Variants in MALRD1 observed in about 807,000 individuals in gnomAD.
MALRD1 encodes the protein MAM and LDL-receptor class A domain-containing protein 1.
Under a neutral mutation model 242.1 loss-of-function variants are expected in MALRD1, and 247 were observed. The ratio of observed to expected loss-of-function variants is 1.02; its 90% confidence interval spans 0.92 to 1.13. The LOEUF (loss-of-function observed/expected upper bound fraction) is 1.13. Ranked by LOEUF, MALRD1 falls within the 50% of genes most tolerant of loss-of-function variation. MALRD1 has a pLI of 0.00. For synonymous variants in MALRD1, 995 were observed against 866.6 expected, an observed-to-expected ratio of 1.15 and a Z score of -2.60; for missense variants, 2,989 against 2,533.1, an observed-to-expected ratio of 1.18 and a Z score of -3.86.
chr10:19,138,440 G>A (rs11390651), intron 10 of MALRD1, among the ~76,000 whole-genome samples: 51,433 of 141,286 alleles, frequency 0.36, 8,987 homozygotes, highest in Admixed American at 0.42. Context: ...TTTTTTTTGG[G>A]GACAGAGTCT....
chr10:19,611,724 T>C (rs780867037), intron 35 of MALRD1, among the ~76,000 whole-genome samples: 2 of 152,032 alleles, frequency 1.3e-5, no homozygotes, highest in Non-Finnish European at 2.9e-5. Context: ...TTTCATTTGC[T>C]CTCTCCTTAA....
At chr10:19,469,510 G>T (rs1292533768) in intron 29 of MALRD1, among the ~76,000 whole-genome samples, 1 of 152,122 alleles carries the variant, frequency 6.6e-6, no homozygotes, top group Non-Finnish European at 1.5e-5. Flanking sequence ...ACTAAGCACA[G>T]AGCTGTGACT....
chr10:19,490,725 A>G (rs1053789592), intron 29 of MALRD1, among the ~76,000 whole-genome samples: 2 of 43,938 alleles, frequency 4.6e-5, no homozygotes, highest in Non-Finnish European at 1.2e-4. Context: ...TTAGTTTTAG[A>G]AAAAAACACA....
intron 29 of MALRD1, among the ~76,000 whole-genome samples, chr10:19,458,927 AT>A (rs894947637): frequency 6.6e-5 from 10 of 151,852 alleles, no homozygotes; most frequent in African/African-American, 2.4e-4. Context: ...TATATATAGT[AT>A]TTTTTAAGAT....
intron 36 of MALRD1, among the ~76,000 whole-genome samples, chr10:19,622,026 A>G (rs1839426584): frequency 6.6e-6 from 1 of 151,864 alleles, no homozygotes; most frequent in South Asian, 2.1e-4. Context: ...TAAGTATGGT[A>G]AAGTCTATAT....
chr10:19,283,066 C>G lies in MALRD1; in HGVS notation c.3304C>G (p.Gln1102Glu), dbSNP rs2131887833. Residue 1102 changes from glutamine (Q) to glutamate (E), a missense_variant, in exon 21 of 40, where the codon CAA becomes GAA. Coordinates refer to ENST00000454679, the MANE Select transcript of MALRD1 (RefSeq NM_001142308.3). ...FEKRSLCKWY[Q>E]PIPVHLLQDS... ...GAAAAGAAGCCTGTGTAAATGGTATCAACCAATCCCAGTACATTTGCTTCA... is the reference window on the plus strand; with the variant it reads ...GAAAAGAAGCCTGTGTAAATGGTATGAACCAATCCCAGTACATTTGCTTCA... 6.5e-7 allele frequency: 1 copy of G among 1,549,798 alleles called. No individual in the cohort carries two copies. Among genetic ancestry groups the G allele is most frequent in the East Asian group, 2.4e-5 (1 of 40,848 alleles).
intron 18 of MALRD1, among the ~76,000 whole-genome samples, chr10:19,249,268 A>G (rs763236841): frequency 6.6e-6 from 1 of 151,846 alleles, no homozygotes; most frequent in African/African-American, 2.4e-5. Flanking sequence ...AACTGTATAA[A>G]TGTAGGTAGA....
intron 39 of MALRD1, among the ~76,000 whole-genome samples, chr10:19,732,975 AAG>A (rs1207243891): frequency 6.6e-6 from 1 of 152,198 alleles, no homozygotes; most frequent in Non-Finnish European, 1.5e-5. Context: ...ATGGCTAAAG[AAG>A]AAATCCTGGC....
intron 4 of MALRD1, among the ~76,000 whole-genome samples, chr10:19,095,418 C>T (rs1036479242): frequency 1.3e-5 from 2 of 152,152 alleles, no homozygotes; most frequent in South Asian, 4.1e-4. Flanking sequence ...GAAACACTAA[C>T]CAGAGACTGA....
chr10:19,124,652 C>A lies in MALRD1; in HGVS notation c.925C>A (p.Gln309Lys). 1.6e-6 allele frequency: 2 copies of A among 1,233,396 alleles called. No individual in the cohort carries two copies. The highest frequency in any genetic ancestry group is 2.0e-6 in the Non-Finnish European group (2 of 988,052). 76.4% of individuals were successfully genotyped at this position (1,233,396 alleles called of 1,614,324 possible). ...PAFESTPQQD[Q>K]GGDDEGYYVW... is the part of the protein sequence containing the mutation. Reference sequence around the variant, plus strand: ...ATTCGAATCCACACCTCAGCAGGATCAAGGAGGTGATGATGAAGGTAGAAA... The same window carrying A: ...ATTCGAATCCACACCTCAGCAGGATAAAGGAGGTGATGATGAAGGTAGAAA... Residue 309 changes from glutamine (Q) to lysine (K), a missense_variant, in exon 7 of 40, where the codon CAA becomes AAA. By Grantham distance (53) the Gln-to-Lys change is moderately conservative (BLOSUM62 1). Transcript: ENST00000454679.
intron 32 of MALRD1, among the ~76,000 whole-genome samples, chr10:19,548,740 G>A (rs370735427): frequency 2.1e-4 from 32 of 152,108 alleles, no homozygotes; most frequent in East Asian, 1.4e-3. Context: ...CTCTCTTCGG[G>A]CCTCCCTATT....
intron 18 of MALRD1, among the ~76,000 whole-genome samples, chr10:19,256,404 T>C (rs1432151709): frequency 6.6e-6 from 1 of 152,128 alleles, no homozygotes; most frequent in Non-Finnish European, 1.5e-5. Flanking sequence ...GAGTTTGGAC[T>C]AAACATTCTT....
At chr10:19,706,342 C>T (rs904082459) in intron 38 of MALRD1, among the ~76,000 whole-genome samples, 1 of 151,936 alleles carries the variant, frequency 6.6e-6, no homozygotes, top group Admixed American at 6.6e-5. Flanking sequence ...TTGAGATGGA[C>T]TTTTGCTCTT....
intron 21 of MALRD1, among the ~76,000 whole-genome samples, chr10:19,315,883 A>G (rs1842684820): frequency 1.3e-5 from 2 of 148,240 alleles, no homozygotes; most frequent in East Asian, 3.9e-4. Flanking sequence ...TAGTTATATT[A>G]TTTTACTAAA....
At chr10:19,472,384 G>T (rs1479574494) in intron 29 of MALRD1, among the ~76,000 whole-genome samples, 1 of 151,936 alleles carries the variant, frequency 6.6e-6, no homozygotes, top group African/African-American at 2.4e-5. Flanking sequence ...TTTTTGTCTG[G>T]CTTTGATATC....
intron 14 of MALRD1, among the ~76,000 whole-genome samples, chr10:19,186,325 C>T (rs1028102578): frequency 2.0e-5 from 3 of 152,132 alleles, no homozygotes; most frequent in Non-Finnish European, 4.4e-5. Context: ...CTGGTGAAGG[C>T]TCATCATTTC....
chr10:19,650,776 C>G (rs1840843152), intron 36 of MALRD1, among the ~76,000 whole-genome samples: 1 of 152,122 alleles, frequency 6.6e-6, no homozygotes, highest in African/African-American at 2.4e-5. Flanking sequence ...GATTTCCAAC[C>G]AGTTCTCAAG....
intron 1 of MALRD1, among the ~76,000 whole-genome samples, chr10:19,064,095 A>G (rs975792056): frequency 1.3e-5 from 2 of 152,180 alleles, no homozygotes; most frequent in Admixed American, 1.3e-4. Context: ...GCGGCTTCCA[A>G]GCAACCTTCC....
At chr10:19,374,461 A>G (rs1018771487) in intron 26 of MALRD1, among the ~76,000 whole-genome samples, 1 of 152,222 alleles carries the variant, frequency 6.6e-6, no homozygotes, top group African/African-American at 2.4e-5. Flanking sequence ...AAGCTATAAC[A>G]AACCTACTTA....
Sources: gnomAD v4.1 joint callset for allele counts (sites outside exome capture counted in the v4.1 genomes callset) on GRCh38, gnomAD v4.1.1 for gene constraint, MANE v1.5 for transcripts, NCBI Gene and HGNC (gene_info 2026-07-23, HGNC 2026-07-21) for gene names.